The following OCIAD1 variants were observed in gnomAD, a reference collection of about 807,000 sequenced individuals.
OCIAD1 encodes OCIA domain containing 1.
A neutral mutation model predicts 38.9 loss-of-function variants in OCIAD1; 29 were observed. The observed-to-expected ratio is 0.74, with a 90% confidence interval of 0.55 to 1.02. OCIAD1 has a LOEUF of 1.02. OCIAD1 is among the 50% of genes least tolerant of loss of function. The pLI is 0.00. For missense variants in OCIAD1, 288 were observed against 289.6 expected, an observed-to-expected ratio of 0.99 and a Z score of 0.04; for synonymous variants, 110 against 92.0, an observed-to-expected ratio of 1.20 and a Z score of -1.12.
At chr4:48,829,566 G>T (rs150361098), upstream of OCIAD1, among the ~76,000 whole-genome samples, 331 of 152,282 alleles carry the variant, frequency 2.2e-3, 1 homozygote, top group African/African-American at 7.2e-3. Flanking sequence ...AATAAGCAAG[G>T]TAACATGGAG....
At chr4:48,808,310 A>C (rs1777048947) in intron 1 of OCIAD1, among the ~76,000 whole-genome samples, 1 of 152,112 alleles carries the variant, frequency 6.6e-6, no homozygotes, top group African/African-American at 2.4e-5. Flanking sequence ...TCTACAAAAA[A>C]TACAAAAAAA....
At chr4:48,859,809 T>C (rs1780439095) in intron 8 of OCIAD1, among the ~76,000 whole-genome samples, 1 of 152,120 alleles carries the variant, frequency 6.6e-6, no homozygotes, top group Non-Finnish European at 1.5e-5. Flanking sequence ...TTTATCTAAT[T>C]AGAAATTAAG....
In OCIAD1 at chr4:48,849,926, T is replaced by G. The variant is rs780012551; in HGVS notation, c.242-21T>G. On this transcript the variant is annotated intron_variant, in intron 5 of 8. Coordinates refer to ENST00000264312, the MANE Select transcript of OCIAD1 (RefSeq NM_017830.4). ...TGAAAGGCACATTCAGTTACACTTT[T>G]TGTTTGATTTTACAAATAAGTTGCT... 14 of 1,586,350 alleles carry G rather than the reference T, an allele frequency of 8.8e-6. No homozygotes were observed. In the South Asian group the frequency reaches 1.6e-4, roughly 19 times the overall value.
intron 1 of OCIAD1, among the ~76,000 whole-genome samples, chr4:48,820,866 T>A (rs1777186792): frequency 6.6e-6 from 1 of 152,184 alleles, no homozygotes; most frequent in Middle Eastern, 3.2e-3. Flanking sequence ...GTAGACTCCC[T>A]GAATAGACCA....
chr4:48,828,661 T>C (rs1446706384), upstream of OCIAD1, among the ~76,000 whole-genome samples: 4 of 152,012 alleles, frequency 2.6e-5, no homozygotes, highest in African/African-American at 9.7e-5. Flanking sequence ...ATGCACCGCC[T>C]TAAGAGCTGT....
intron 1 of OCIAD1, among the ~76,000 whole-genome samples, chr4:48,806,382 T>C (rs1777024798): frequency 6.6e-6 from 1 of 152,210 alleles, no homozygotes; most frequent in Admixed American, 6.5e-5. Context: ...ATTTTGTTAG[T>C]TTTCATTCTT....
chr4:48,842,009 A>G lies in OCIAD1; in HGVS notation c.140-627A>G, dbSNP rs114043088. 1.5e-3 allele frequency among the ~76,000 whole-genome samples: 229 copies of G among 152,312 alleles called. 1 individual carries two copies. Among genetic ancestry groups the G allele is most frequent in the African/African-American group, 5.3e-3 (221 of 41,562 alleles). ...TTTTGTATTTTGGTTTAGATGGTAT[A>G]CTAGAGCTTAAAAGCTTGAGATCTG... On this transcript the variant is annotated intron_variant, in intron 3 of 8. Coordinates refer to ENST00000264312, the MANE Select transcript of OCIAD1 (RefSeq NM_017830.4).
At position 48,849,933 on chromosome 4, in the gene OCIAD1, A is replaced by G. The variant is rs45463191; in HGVS notation, c.242-14A>G. On this transcript the variant is annotated splice_polypyrimidine_tract_variant and intron_variant, in intron 5 of 8. Coordinates refer to ENST00000264312, the MANE Select transcript of OCIAD1 (RefSeq NM_017830.4). ...CACATTCAGTTACACTTTTTGTTTG[A>G]TTTTACAAATAAGTTGCTTGTATCA... 41,792 of 1,586,190 alleles carry G rather than the reference A, an allele frequency of 0.026. 594 individuals are homozygous for G. Among genetic ancestry groups the G allele is most frequent in the Non-Finnish European group, 0.029 (33,625 of 1,171,044 alleles).
At chr4:48,816,988 G>A (rs939816308) in intron 1 of OCIAD1, among the ~76,000 whole-genome samples, 2 of 152,158 alleles carry the variant, frequency 1.3e-5, no homozygotes, top group African/African-American at 2.4e-5. Flanking sequence ...AAAGGGGTGG[G>A]AGAGGGGCCA....
chr4:48,847,450 G>C (rs1222707017), intron 4 of OCIAD1, among the ~76,000 whole-genome samples: 1 of 152,028 alleles, frequency 6.6e-6, no homozygotes, highest in Admixed American at 6.5e-5. Flanking sequence ...CTTTCTAATA[G>C]GTGCTTTTTG....
chr4:48,859,788 T>C (rs764162747), intron 8 of OCIAD1, among the ~76,000 whole-genome samples: 1 of 152,190 alleles, frequency 6.6e-6, no homozygotes, highest in Non-Finnish European at 1.5e-5. Flanking sequence ...CTTTAGCTTA[T>C]GTGGTTGATA....
At chr4:48,817,407 A>C (rs935426723) in intron 1 of OCIAD1, among the ~76,000 whole-genome samples, 1 of 152,014 alleles carries the variant, frequency 6.6e-6, no homozygotes, top group African/African-American at 2.4e-5. Flanking sequence ...TGTGCTACCC[A>C]GCCGGGTTAC....
At chr4:48,839,895 T>G (rs1380917865) in intron 3 of OCIAD1, among the ~76,000 whole-genome samples, 1 of 152,220 alleles carries the variant, frequency 6.6e-6, no homozygotes, top group African/African-American at 2.4e-5. Context: ...AAAAGGCCAC[T>G]GACTAGGGAG....
rs543799174 is a variant in OCIAD1 at position 48,822,667 on chromosome 4, G to C, written c.-102-7910G>C. Among the ~76,000 whole-genome samples the C allele has an allele frequency of 2.1e-4, 32 of 152,200 alleles. 1 individual carries two copies. In the South Asian group the frequency reaches 2.3e-3, roughly 11 times the overall value. On this transcript the variant is annotated intron_variant, in intron 1 of 6. Transcript: ENST00000504654. Reference sequence around the variant, plus strand: ...CCTTCCAACAAAGGTCTAATACCCTGAATCTATAAGGAACTTAAATTTACA... The same window carrying C: ...CCTTCCAACAAAGGTCTAATACCCTCAATCTATAAGGAACTTAAATTTACA...
chr4:48,812,657 CAAGGACATTTGCTTAGGGTA>C (rs2109488835), intron 1 of OCIAD1, among the ~76,000 whole-genome samples: 1 of 152,166 alleles, frequency 6.6e-6, no homozygotes, highest in African/African-American at 2.4e-5. Flanking sequence ...GAGACTTTGA[CAAGGACATTTGCTTAGGGTA>C]AAAGTGTTTG....
chr4:48,817,351 G>A (rs1261282066), intron 1 of OCIAD1, among the ~76,000 whole-genome samples: 1 of 152,114 alleles, frequency 6.6e-6, no homozygotes, highest in Non-Finnish European at 1.5e-5. Flanking sequence ...CAGACACTGA[G>A]CTAGCTGTAG....
At position 48,812,054 on chromosome 4, in the gene OCIAD1, C is replaced by A. The variant is rs557298807; in HGVS notation, c.-103+6724C>A. 2.6e-5 allele frequency among the ~76,000 whole-genome samples: 4 copies of A among 151,478 alleles called. No individual in the cohort carries two copies. In the East Asian group the frequency reaches 5.8e-4, roughly 22 times the overall value. The stretch of plus-strand genomic sequence containing the variant: ...ATCCCAGCACTTTGGGAGGCTGAGG[C>A]GGGTGGATCATTGAGGTCAGGAGTT... On this transcript the variant is annotated intron_variant, in intron 1 of 6. Transcript: ENST00000504654.
intron 1 of OCIAD1, among the ~76,000 whole-genome samples, chr4:48,825,766 TTCCCTCCC>T (rs1239165036): frequency 6.6e-6 from 1 of 152,036 alleles, no homozygotes; most frequent in Admixed American, 6.6e-5. Flanking sequence ...TTCTCTTTCT[TTCCCTCCC>T]TCCCTCCCTT....
upstream of OCIAD1, among the ~76,000 whole-genome samples, chr4:48,826,669 T>C (rs1777255386): frequency 6.6e-6 from 1 of 152,212 alleles, no homozygotes; most frequent in South Asian, 2.1e-4. Context: ...CAAAATATCA[T>C]GTTGTACCCC....
Sources: gnomAD v4.1 joint callset for allele counts (sites outside exome capture counted in the v4.1 genomes callset) on GRCh38, gnomAD v4.1.1 for gene constraint, MANE v1.5 for transcripts, NCBI Gene and HGNC (gene_info 2026-07-23, HGNC 2026-07-21) for gene names.